The following ATP1B3 variants were observed in gnomAD, a reference collection of about 807,000 sequenced individuals.
ATP1B3 encodes ATPase Na+/K+ transporting subunit beta 3.
A neutral mutation model predicts 30.2 loss-of-function variants in ATP1B3; 10 were observed. The ratio of observed to expected loss-of-function variants is 0.33; its 90% CI spans 0.20 to 0.56. The LOEUF is 0.56. Ranked by LOEUF, ATP1B3 falls within the 20% of genes least tolerant of loss-of-function variation. The probability of loss-of-function intolerance (pLI) is 0.90; values close to 1 mark genes in which losing one functional copy is unlikely to be tolerated. For missense variants in ATP1B3, 238 were observed against 336.7 expected (o/e 0.71, Z 2.29); for synonymous variants, 113 against 117.0 (o/e 0.97, Z 0.22).
At chr3:141,881,291 A>T (rs1933721625) in intron 1 of ATP1B3, among the ~76,000 whole-genome samples, 1 of 151,948 alleles carries the variant, frequency 6.6e-6, no homozygotes, top group Non-Finnish European at 1.5e-5. Context: ...TTTGGGGTTC[A>T]TTATCTTTAT....
chr3:141,883,913 T>C (rs1933782648), intron 1 of ATP1B3, among the ~76,000 whole-genome samples: 1 of 152,344 alleles, frequency 6.6e-6, no homozygotes, highest in Non-Finnish European at 1.5e-5. Flanking sequence ...ACTTTCTTAT[T>C]GGAGACTCAG....
intron 2 of ATP1B3, among the ~76,000 whole-genome samples, chr3:141,906,422 C>G (rs1205900363): frequency 6.6e-6 from 1 of 152,146 alleles, no homozygotes; most frequent in Non-Finnish European, 1.5e-5. Flanking sequence ...TCAAGTGATC[C>G]GCCAGCCTCG....
At chr3:141,903,499 G>A in intron 1 of ATP1B3, 121 bp from the exon 2 acceptor site, 1 of 1,418,526 alleles carries the variant, frequency 7.0e-7, no homozygotes, top group Non-Finnish European at 9.5e-7. Context: ...TTGGCTATGT[G>A]CATGGCAAAG....
At chr3:141,895,807 A>T (rs1934055032) in intron 1 of ATP1B3, among the ~76,000 whole-genome samples, 1 of 152,206 alleles carries the variant, frequency 6.6e-6, no homozygotes. Context: ...CTTTTTAAAA[A>T]CAACAACAGC....
At position 141,909,084 on chromosome 3, in the gene ATP1B3, A is replaced by G. The variant is rs78880487; in HGVS notation, c.346+1810A>G. The stretch of plus-strand genomic sequence containing the variant: ...TCCTGTCAACTTGAAAAAATCTTCA[A>G]CTCTCTCCTATCTTAAACCAAAAGC... On this transcript the variant is annotated intron_variant, in intron 3 of 6. Coordinates refer to ENST00000286371, the MANE Select transcript of ATP1B3 (RefSeq NM_001679.4). Among the ~76,000 whole-genome samples, 490 of 151,834 alleles carry G rather than the reference A, an allele frequency of 3.2e-3. 7 individuals carry two copies. The highest frequency in any genetic ancestry group is 0.011 in the African/African-American group (460 of 41,362).
chr3:141,921,274 G>A (rs1161755015), intron 5 of ATP1B3, among the ~76,000 whole-genome samples: 2 of 152,094 alleles, frequency 1.3e-5, no homozygotes, highest in Non-Finnish European at 2.9e-5. Flanking sequence ...AATAATACTA[G>A]AAATAACTAA....
intron 6 of ATP1B3, 76 bp downstream of exon 6, chr3:141,922,139 G>A: frequency 1.2e-6 from 1 of 857,938 alleles, no homozygotes; most frequent in Admixed American, 3.0e-5. Context: ...CCACTTGTCT[G>A]GGGTAGGTAG....
chr3:141,892,665 A>C lies in ATP1B3; in HGVS notation c.110-10955A>C, dbSNP rs985885424. ...TGAGACTGTCTCAAAAAAAAAAAAA[A>C]AAAAAAAAAAACAGTTATCGAATAT... is the stretch of plus-strand genomic sequence containing the variant. On this transcript the variant is annotated intron_variant, in intron 1 of 6. Coordinates refer to ENST00000286371, the MANE Select transcript of ATP1B3 (RefSeq NM_001679.4). 8.5e-4 allele frequency among the ~76,000 whole-genome samples: 129 copies of C among 151,626 alleles called. 1 individual carries two copies. Among genetic ancestry groups the C allele is most frequent in the African/African-American group, 3.1e-3 (128 of 41,404 alleles).
intron 5 of ATP1B3, among the ~76,000 whole-genome samples, chr3:141,921,130 G>A (rs1248414012): frequency 6.6e-6 from 1 of 152,068 alleles, no homozygotes; most frequent in South Asian, 2.1e-4. Context: ...CTAGTGTTCC[G>A]TAAGCCCAGC....
intron 5 of ATP1B3, chr3:141,916,487 A>G (rs1934466322): frequency 8.8e-6 from 10 of 1,130,394 alleles, no homozygotes; most frequent in Non-Finnish European, 1.2e-5. Flanking sequence ...TTTTTTTTCC[A>G]GAATACTGTG....
intron 1 of ATP1B3, among the ~76,000 whole-genome samples, chr3:141,901,514 G>A (rs1354219222): frequency 1.3e-5 from 2 of 152,152 alleles, no homozygotes; most frequent in African/African-American, 2.4e-5. Context: ...TCACTTCACT[G>A]CTGGAAATAA....
intron 3 of ATP1B3, among the ~76,000 whole-genome samples, chr3:141,908,068 C>CTTT (rs56374653): frequency 0.014 from 1,527 of 108,558 alleles, 6 homozygotes; most frequent in South Asian, 0.018. Context: ...GCCAGGCATT[C>CTTT]TTTTTTTTTT....
chr3:141,890,661 C>T (rs1247111104), intron 1 of ATP1B3, among the ~76,000 whole-genome samples: 1 of 147,710 alleles, frequency 6.8e-6, no homozygotes, highest in Non-Finnish European at 1.5e-5. Context: ...TGGTCTCGAA[C>T]TCTTGACCTC....
chr3:141,908,319 GT>G (rs1934299762), intron 3 of ATP1B3, among the ~76,000 whole-genome samples: 1 of 152,100 alleles, frequency 6.6e-6, no homozygotes, highest in East Asian at 1.9e-4. Flanking sequence ...GGTGTTAACA[GT>G]CACATGAGTA....
intron 1 of ATP1B3, 65 bp downstream of exon 1, chr3:141,876,975 G>A (rs1933609332): frequency 7.6e-7 from 1 of 1,311,238 alleles, no homozygotes; most frequent in South Asian, 1.5e-5. Flanking sequence ...GCGCGGTCTG[G>A]TGGGAACGGA....
chr3:141,903,573 C>T (rs773849265), intron 1 of ATP1B3, 47 bp from the exon 2 acceptor site: 1 of 1,607,274 alleles, frequency 6.2e-7, no homozygotes, highest in Non-Finnish European at 8.5e-7. Context: ...CATGCATACA[C>T]ACACACACGC....
chr3:141,890,113 C>CA (rs1201370459), intron 1 of ATP1B3, among the ~76,000 whole-genome samples: 1 of 104,556 alleles, frequency 9.6e-6, no homozygotes, highest in Non-Finnish European at 1.7e-5. Context: ...TTTTTTGAGA[C>CA]AGAGTGTGGC....
chr3:141,916,650 G>C (rs1373184488), intron 5 of ATP1B3: 2 of 1,014,206 alleles, frequency 2.0e-6, no homozygotes, highest in Non-Finnish European at 2.6e-6. Flanking sequence ...CTGATTGTAT[G>C]GCAGAAATAT....
chr3:141,897,959 C>T (rs1934098566), intron 1 of ATP1B3, among the ~76,000 whole-genome samples: 1 of 152,202 alleles, frequency 6.6e-6, no homozygotes, highest in Admixed American at 6.5e-5. Context: ...ATCTGCCTGC[C>T]TCGGCCTCTC....
Sources: gnomAD v4.1 joint callset for allele counts (sites outside exome capture counted in the v4.1 genomes callset) on GRCh38, gnomAD v4.1.1 for gene constraint, MANE v1.5 for transcripts, NCBI Gene and HGNC (gene_info 2026-07-23, HGNC 2026-07-21) for gene names.